Variants in BICDL1 observed in about 807,000 individuals in gnomAD.
BICDL1 encodes the protein BICD family-like cargo adapter 1.
In BICDL1, 20 loss-of-function variants were observed where a neutral mutation model predicts 76.8. The observed-to-expected ratio is 0.26, with a 90% confidence interval of 0.18 to 0.38. The LOEUF is 0.38. BICDL1 is among the 10% of genes least tolerant of loss of function. BICDL1 has a pLI of 1.00. For synonymous variants in BICDL1, 383 were observed against 337.1 expected (o/e 1.14, Z -1.49); for missense variants, 700 against 798.6 (o/e 0.88, Z 1.49).
chr12:120,054,403 C>G (rs1420654282), intron 2 of BICDL1, among the ~76,000 whole-genome samples: 2 of 152,024 alleles, frequency 1.3e-5, no homozygotes, highest in African/African-American at 4.8e-5. Context: ...TATTAATCTA[C>G]CTTGCTGACA....
Position 120,094,412 on chromosome 12 carries a change from A to G in BICDL1, c.*1251A>G, listed in dbSNP as rs1875247870. ...TTATAATATACATATATAAAAATCTATAAAGGCATATTTTTAGAAAAACAG... is the reference window on the plus strand; with the variant it reads ...TTATAATATACATATATAAAAATCTGTAAAGGCATATTTTTAGAAAAACAG... On this transcript the variant is annotated 3_prime_UTR_variant, in exon 10 of 10. Transcript: ENST00000548673. 1.1e-5 allele frequency: 4 copies of G among 354,320 alleles called. No homozygotes were observed. Among genetic ancestry groups the G allele is most frequent in the South Asian group, 2.1e-5 (1 of 48,124 alleles). 21.9% of individuals were successfully genotyped at this position (354,320 alleles called of 1,614,324 possible).
At chr12:120,001,641 C>T (rs971195049) in intron 2 of BICDL1, among the ~76,000 whole-genome samples, 16 of 152,198 alleles carry the variant, frequency 1.1e-4, no homozygotes, top group African/African-American at 3.9e-4. Context: ...ATACCTTCGT[C>T]CAGAGTTTAC....
chr12:120,008,084 G>A (rs532926890), intron 2 of BICDL1, among the ~76,000 whole-genome samples: 6 of 150,198 alleles, frequency 4.0e-5, no homozygotes, highest in African/African-American at 1.2e-4. Flanking sequence ...TCCAAAGGAC[G>A]TTCTCATATG....
At chr12:120,047,057 G>A (rs1047425163) in intron 2 of BICDL1, among the ~76,000 whole-genome samples, 6 of 152,124 alleles carry the variant, frequency 3.9e-5, no homozygotes, top group African/African-American at 1.2e-4. Flanking sequence ...GATAGTTACC[G>A]AAAGGATAAT....
intron 2 of BICDL1, among the ~76,000 whole-genome samples, chr12:120,033,937 T>C (rs917897119): frequency 2.6e-5 from 4 of 152,148 alleles, no homozygotes; most frequent in African/African-American, 4.8e-5. Context: ...ATCCCCCTTA[T>C]TCAGTTTTTT....
At chr12:120,044,192 T>C (rs1952700849) in intron 2 of BICDL1, among the ~76,000 whole-genome samples, 2 of 152,248 alleles carry the variant, frequency 1.3e-5, no homozygotes, top group South Asian at 4.1e-4. Flanking sequence ...ACCACCAGTT[T>C]GGAAAGCAGT....
At chr12:120,008,504 G>A (rs1197368808) in intron 2 of BICDL1, among the ~76,000 whole-genome samples, 1 of 152,162 alleles carries the variant, frequency 6.6e-6, no homozygotes, top group East Asian at 1.9e-4. Context: ...AGGGTCAGAA[G>A]TTTGGTGACA....
intron 4 of BICDL1, among the ~76,000 whole-genome samples, chr12:120,068,780 C>T (rs1212200389): frequency 6.6e-6 from 1 of 152,208 alleles, no homozygotes; most frequent in Non-Finnish European, 1.5e-5. Context: ...CGTGCCACTG[C>T]ACTCCAGCCT....
chr12:120,037,054 T>G (rs1359680211), intron 2 of BICDL1, among the ~76,000 whole-genome samples: 1 of 152,224 alleles, frequency 6.6e-6, no homozygotes, highest in Non-Finnish European at 1.5e-5. Context: ...GTTGTTGCTT[T>G]TACATTAGCA....
At chr12:119,999,529 T>C (rs929477114) in intron 2 of BICDL1, among the ~76,000 whole-genome samples, 1 of 152,226 alleles carries the variant, frequency 6.6e-6, no homozygotes, top group African/African-American at 2.4e-5. Context: ...TGAAAAGAAA[T>C]GTGTATCTGT....
intron 2 of BICDL1, among the ~76,000 whole-genome samples, chr12:120,025,665 A>G (rs1952284369): frequency 6.6e-6 from 1 of 152,192 alleles, no homozygotes. Flanking sequence ...ACAGGTTACC[A>G]TATATCAATT....
chr12:120,014,966 G>T (rs967669420), intron 2 of BICDL1, among the ~76,000 whole-genome samples: 4 of 152,162 alleles, frequency 2.6e-5, no homozygotes, highest in African/African-American at 9.6e-5. Flanking sequence ...AATACAGTCT[G>T]CTAAAGTTAT....
At chr12:120,076,809 T>C (rs1873586499) in intron 7 of BICDL1, among the ~76,000 whole-genome samples, 2 of 152,216 alleles carry the variant, frequency 1.3e-5, no homozygotes, top group Non-Finnish European at 2.9e-5. Context: ...AGGGTGCAGA[T>C]TGAGTCCCAG....
intron 7 of BICDL1, among the ~76,000 whole-genome samples, chr12:120,078,453 G>A (rs576913101): frequency 2.0e-4 from 31 of 152,320 alleles, no homozygotes; most frequent in African/African-American, 6.7e-4. Context: ...ATTTAGGGGT[G>A]GATGTAACCT....
At chr12:120,060,768 C>G (rs1001122756) in intron 2 of BICDL1, among the ~76,000 whole-genome samples, 1 of 152,176 alleles carries the variant, frequency 6.6e-6, no homozygotes, top group African/African-American at 2.4e-5. Context: ...ATAAAAAGAA[C>G]TACTGAACAT....
intron 2 of BICDL1, among the ~76,000 whole-genome samples, chr12:120,008,937 C>T (rs1331927318): frequency 6.7e-6 from 1 of 149,400 alleles, no homozygotes; most frequent in Non-Finnish European, 1.5e-5. Flanking sequence ...ATTCTTCCGG[C>T]ATAGAGGTGT....
At chr12:120,021,138 G>T (rs1328653583) in intron 2 of BICDL1, among the ~76,000 whole-genome samples, 1 of 151,944 alleles carries the variant, frequency 6.6e-6, no homozygotes, top group African/African-American at 2.4e-5. Flanking sequence ...CAAAAAATTA[G>T]CCAGGTGTGG....
At chr12:120,088,568 G>T (rs191737678) in intron 8 of BICDL1, among the ~76,000 whole-genome samples, 2 of 151,964 alleles carry the variant, frequency 1.3e-5, no homozygotes, top group African/African-American at 4.8e-5. Context: ...TGTTGGCCAG[G>T]CTGGTCTCGA....
intron 1 of BICDL1, 152 bp downstream of exon 1, chr12:119,990,449 T>C: frequency 7.0e-7 from 1 of 1,426,492 alleles, no homozygotes; most frequent in Non-Finnish European, 9.3e-7. Context: ...GATGGAGGAT[T>C]ATCAGATTTC....
Sources: gnomAD v4.1 joint callset for allele counts (sites outside exome capture counted in the v4.1 genomes callset) on GRCh38, gnomAD v4.1.1 for gene constraint, MANE v1.5 for transcripts, NCBI Gene and HGNC (gene_info 2026-07-23, HGNC 2026-07-21) for gene names.